Variants in ELAPOR1 observed in about 807,000 individuals in gnomAD.
The protein encoded by ELAPOR1 is endosome/lysosome-associated apoptosis and autophagy regulator 1.
A neutral mutation model predicts 119.7 loss-of-function variants in ELAPOR1; 77 were observed. That is an observed-to-expected ratio of 0.64 (90% CI 0.54 to 0.78). ELAPOR1 has a LOEUF of 0.78. Among genes scored for constraint, ELAPOR1 ranks in the 30% least tolerant of loss-of-function variants. The probability of loss-of-function intolerance (pLI) is 0.00; values close to 1 mark genes in which losing one functional copy is unlikely to be tolerated. For synonymous variants in ELAPOR1, 481 were observed against 487.2 expected (o/e 0.99, Z 0.17); for missense variants, 1,115 against 1,270.4 (o/e 0.88, Z 1.86).
intron 1 of ELAPOR1, among the ~76,000 whole-genome samples, chr1:109,146,338 C>A (rs1257107762): frequency 6.6e-6 from 1 of 150,600 alleles, no homozygotes; most frequent in South Asian, 2.1e-4. Flanking sequence ...AAAAAAAATA[C>A]AAATCTCGAT....
At chr1:109,189,463 T>C in intron 10 of ELAPOR1, 129 bp from the exon 11 acceptor site, 1 of 882,104 alleles carries the variant, frequency 1.1e-6, no homozygotes, top group Non-Finnish European at 1.8e-6. Flanking sequence ...AGTAACACGG[T>C]TCATGTTCAG....
intron 1 of ELAPOR1, among the ~76,000 whole-genome samples, chr1:109,153,637 T>C (rs1340914683): frequency 1.3e-5 from 2 of 151,958 alleles, no homozygotes; most frequent in Non-Finnish European, 2.9e-5. Context: ...TGTTTTGTTT[T>C]GTTTTGTTTT....
intron 15 of ELAPOR1, among the ~76,000 whole-genome samples, chr1:109,196,585 G>A (rs1408816907): frequency 6.7e-6 from 1 of 149,268 alleles, no homozygotes; most frequent in Non-Finnish European, 1.5e-5. Context: ...AAAGACAAAA[G>A]AACTCTATTT....
chr1:109,142,781 TG>T lies in ELAPOR1; in HGVS notation c.154-19111del, dbSNP rs562996087. Among the ~76,000 whole-genome samples, 4 of 152,356 alleles carry T rather than the reference TG, an allele frequency of 2.6e-5. 1 individual carries two copies. In the South Asian group the frequency reaches 8.3e-4, roughly 32 times the overall value. ...TTAAACATAGAGTTACCATATGACC[TG>T]GCAATTATACTCTAGGTATATTCAC... On this transcript the variant is annotated intron_variant, in intron 1 of 21. Transcript: ENST00000369939.
At chr1:109,202,718 G>A (rs1654256474) in intron 21 of ELAPOR1, among the ~76,000 whole-genome samples, 1 of 152,150 alleles carries the variant, frequency 6.6e-6, no homozygotes, top group Non-Finnish European at 1.5e-5. Flanking sequence ...GGGATTACAG[G>A]CATGAGCCAC....
chr1:109,165,912 AT>A lies in ELAPOR1; in HGVS notation c.467+1233del, dbSNP rs561158580. Among the ~76,000 whole-genome samples the A allele has an allele frequency of 3.3e-3, 453 of 138,280 alleles. 2 individuals carry two copies. Among genetic ancestry groups the A allele is most frequent in the African/African-American group, 8.0e-3 (301 of 37,424 alleles). 90.7% of individuals were successfully genotyped at this position (138,280 alleles called of 152,430 possible). On this transcript the variant is annotated intron_variant, in intron 3 of 21. Coordinates refer to ENST00000369939, the MANE Select transcript of ELAPOR1 (RefSeq NM_020775.5). ...GTGTGTGTGCCACAATGCCCGGCTA[AT>A]TTTTTTTTTTTCTTTTTTTTGAGAT...
At chr1:109,162,071 A>T (rs1215103859) in intron 2 of ELAPOR1, 57 bp downstream of exon 2, 2 of 1,560,336 alleles carry the variant, frequency 1.3e-6, no homozygotes, top group Admixed American at 1.7e-5. Context: ...CTCTCCCCCA[A>T]GTCTCCTGCC....
chr1:109,141,842 T>C (rs1194202573), intron 1 of ELAPOR1, among the ~76,000 whole-genome samples: 1 of 151,926 alleles, frequency 6.6e-6, no homozygotes, highest in African/African-American at 2.4e-5. Flanking sequence ...ATTTTTTTTT[T>C]TTTCTAGAGA....
At chr1:109,157,079 T>C (rs993973431) in intron 1 of ELAPOR1, among the ~76,000 whole-genome samples, 1 of 152,162 alleles carries the variant, frequency 6.6e-6, no homozygotes, top group Non-Finnish European at 1.5e-5. Flanking sequence ...CCCTTCCCCT[T>C]GGGCCTTGTT....
rs58149393 is a variant in ELAPOR1 at position 109,173,097 on chromosome 1, C to CA, written c.697-354dup. On this transcript the variant is annotated intron_variant, in intron 5 of 21. Coordinates refer to ENST00000369939, the MANE Select transcript of ELAPOR1 (RefSeq NM_020775.5). ...GGGCAACAAAAGCGAAACTCTGTCT[C>CA]AAAAAAAAAAAAAAAAAAAAAAAGA... Among the ~76,000 whole-genome samples, 490 of 91,560 alleles carry CA rather than the reference C, an allele frequency of 5.4e-3. 2 individuals are homozygous for CA. Among genetic ancestry groups the CA allele is most frequent in the East Asian group, 0.015 (48 of 3,130 alleles). The allele number at this position is 91,560 out of a possible 152,430, so 60.1% of individuals were successfully genotyped here.
At chr1:109,125,680 G>T (rs772681440) in intron 1 of ELAPOR1, among the ~76,000 whole-genome samples, 1 of 152,110 alleles carries the variant, frequency 6.6e-6, no homozygotes, top group Non-Finnish European at 1.5e-5. Context: ...CACCACGCCC[G>T]GCCAAGCAGT....
At chr1:109,154,262 CA>C (rs1650721932) in intron 1 of ELAPOR1, among the ~76,000 whole-genome samples, 1 of 98,274 alleles carries the variant, frequency 1.0e-5, no homozygotes. Flanking sequence ...GCCTGGGCAA[CA>C]AGAGCGAAAC....
chr1:109,167,484 T>TTTCC (rs1217699792), intron 3 of ELAPOR1, among the ~76,000 whole-genome samples: 1 of 152,224 alleles, frequency 6.6e-6, no homozygotes, highest in Non-Finnish European at 1.5e-5. Context: ...AGTATTTGGC[T>TTTCC]TTCCTATTCA....
rs1339852284 is a variant in ELAPOR1 at position 109,198,030 on chromosome 1, T to C, written c.2354T>C (p.Phe785Ser). The change falls in exon 17 of 22, where the codon TTC becomes TCC. Residue 785 changes from phenylalanine (F) to serine (S), a missense_variant. Coordinates refer to ENST00000369939, the MANE Select transcript of ELAPOR1 (RefSeq NM_020775.5). ...GGAATCACCTCCCCAGCTGAACTTT[T>C]CCACCTGGAGTCCTTGGGAATACCG... ...LDGITSPAEL[F>S]HLESLGIPDV... 4.3e-6 allele frequency: 7 copies of C among 1,614,004 alleles called. No homozygotes were observed. In the African/African-American group the frequency reaches 8.0e-5, roughly 18 times the overall value.
chr1:109,178,542 A>T (rs997637959), intron 7 of ELAPOR1, among the ~76,000 whole-genome samples: 4 of 152,216 alleles, frequency 2.6e-5, no homozygotes, highest in Admixed American at 6.5e-5. Context: ...GTTGCCAAGG[A>T]CTAGCTTGGT....
intron 1 of ELAPOR1, among the ~76,000 whole-genome samples, chr1:109,144,921 A>G (rs1219042921): frequency 2.6e-5 from 4 of 152,218 alleles, no homozygotes; most frequent in Non-Finnish European, 2.9e-5. Flanking sequence ...AACAACTTCT[A>G]TAAACAAAAC....
In ELAPOR1 at chr1:109,186,706, A is replaced by G. The variant is rs1037212639; in HGVS notation, c.1042-1471A>G. On this transcript the variant is annotated intron_variant, in intron 8 of 21. Coordinates refer to ENST00000369939, the MANE Select transcript of ELAPOR1 (RefSeq NM_020775.5). ...CAGCCAACTCACTAATAAAAGGCAG[A>G]CAATTAATCCTGCTGCTCTTCTCCC... 5.1e-6 allele frequency: 5 copies of G among 985,388 alleles called. No individual in the cohort carries two copies. The African/African-American group carries it at 8.7e-5, about 17-fold the overall frequency. 61.0% of individuals were successfully genotyped at this position (985,388 alleles called of 1,614,324 possible). A position where few individuals can be genotyped will look rare whatever the true frequency, so the allele number is the denominator to read the frequency against.
intron 16 of ELAPOR1, 34 bp downstream of exon 16, chr1:109,197,688 A>AGTGTGTGTGTGTGT: frequency 7.3e-7 from 1 of 1,365,690 alleles, no homozygotes; most frequent in Non-Finnish European, 1.0e-6. Flanking sequence ...CTTGTTTGAG[A>AGTGTGTGTGTGTGT]GTGTGTGTGT....
At chr1:109,118,900 CTTTTTT>C (rs777752743) in intron 1 of ELAPOR1, among the ~76,000 whole-genome samples, 1 of 128,210 alleles carries the variant, frequency 7.8e-6, no homozygotes, top group African/African-American at 3.2e-5. Flanking sequence ...TTTGGTTCTT[CTTTTTT>C]TTTTTTTTTG....
Sources: allele counts gnomAD v4.1 joint callset (sites outside exome capture counted in the v4.1 genomes callset), GRCh38; gene constraint gnomAD v4.1.1; transcripts MANE v1.5; gene names NCBI Gene and HGNC (gene_info 2026-07-23, HGNC 2026-07-21).